Variants in ALG6 observed in about 807,000 individuals in gnomAD.
The protein encoded by ALG6 is ALG6 alpha-1,3-glucosyltransferase.
Under a neutral mutation model 66.6 loss-of-function variants are expected in ALG6, and 46 were observed. The ratio of observed to expected loss-of-function variants is 0.69; its 90% CI spans 0.55 to 0.88. ALG6 has a LOEUF of 0.88. Ranked by LOEUF, ALG6 falls within the 40% of genes least tolerant of loss-of-function variation. ALG6 has a pLI of 0.00. For synonymous variants in ALG6, 185 were observed against 203.7 expected, an observed-to-expected ratio of 0.91 and a Z score of 0.78; for missense variants, 505 against 586.8, an observed-to-expected ratio of 0.86 and a Z score of 1.44.
At chr1:63,422,194 T>A (rs1644579817) in intron 12 of ALG6, among the ~76,000 whole-genome samples, 1 of 126,992 alleles carries the variant, frequency 7.9e-6, no homozygotes, top group Non-Finnish European at 1.6e-5. Context: ...TATAAATATA[T>A]ATCTATATGA....
chr1:63,405,242 C>T (rs12088574), intron 5 of ALG6, among the ~76,000 whole-genome samples: 34,117 of 151,988 alleles, frequency 0.22, 4,671 homozygotes, highest in African/African-American at 0.38. Context: ...CACCACTGCC[C>T]TTCCCTCTCC....
In ALG6 at chr1:63,397,003, A is replaced by G. The variant is rs1470622385; in HGVS notation, c.167+406A>G. ...AGCTTTGGCAGTAGCTGATGGCTGA[A>G]TTTGCAGATCTGAAAAGGGGACCAA... On this transcript the variant is annotated intron_variant, in intron 3 of 14. Coordinates refer to ENST00000263440, the MANE Select transcript of ALG6 (RefSeq NM_013339.4). Among the ~76,000 whole-genome samples, 3 of 152,134 alleles carry G rather than the reference A, an allele frequency of 2.0e-5. No homozygotes were observed. In the East Asian group the frequency reaches 5.8e-4, roughly 29 times the overall value.
chr1:63,383,457 C>T (rs1648401466), intron 2 of ALG6, among the ~76,000 whole-genome samples: 1 of 151,824 alleles, frequency 6.6e-6, no homozygotes, highest in South Asian at 2.1e-4. Flanking sequence ...ACTATGTCAC[C>T]CAGGCTGGAG....
intron 9 of ALG6, 124 bp from the exon 10 acceptor site, chr1:63,413,933 TTTAG>T: frequency 1.5e-6 from 1 of 676,876 alleles, no homozygotes; most frequent in East Asian, 2.9e-5. Context: ...ATTTAATCTA[TTTAG>T]TTATAATTGT....
In ALG6 at chr1:63,402,237, C is replaced by T. The variant is rs536808870; in HGVS notation, c.168-17C>T. 6.7e-7 allele frequency: 1 copy of T among 1,485,134 alleles called. No individual in the cohort carries two copies. Among genetic ancestry groups the T allele is most frequent in the Non-Finnish European group, 9.4e-7 (1 of 1,063,576 alleles). 92.0% of individuals were successfully genotyped at this position (1,485,134 alleles called of 1,614,324 possible). A position where few individuals can be genotyped will look rare whatever the true frequency, so the allele number is the denominator to read the frequency against. On this transcript the variant is annotated splice_polypyrimidine_tract_variant and intron_variant, in intron 3 of 14. Coordinates refer to ENST00000263440, the MANE Select transcript of ALG6 (RefSeq NM_013339.4). ...TTGATTAACGGAATGGTGCTTTCTT[C>T]TTTTTTTCTTTTTCAGGTATTTTAA...
chr1:63,393,719 C>T (rs1303385705), intron 2 of ALG6, among the ~76,000 whole-genome samples: 1 of 152,170 alleles, frequency 6.6e-6, no homozygotes, highest in Non-Finnish European at 1.5e-5. Context: ...GTTAAAGCAA[C>T]CTCGGCAAAA....
Position 63,407,057 on chromosome 1 carries a change from T to C in ALG6, c.430-5T>C, listed in dbSNP as rs775144387. On this transcript the variant is annotated splice_region_variant and splice_polypyrimidine_tract_variant and intron_variant, in intron 6 of 14. Coordinates refer to ENST00000263440, the MANE Select transcript of ALG6 (RefSeq NM_013339.4). ...TTTCTTATCTCACAATATTTGTCTTTACAGATTGCTAATGCATTATGCATC... is the reference window on the plus strand; with the variant it reads ...TTTCTTATCTCACAATATTTGTCTTCACAGATTGCTAATGCATTATGCATC... The C allele has an allele frequency of 1.2e-6, 2 of 1,603,408 alleles. No individual in the cohort carries two copies. The highest frequency in any genetic ancestry group is 8.5e-7 in the Non-Finnish European group (1 of 1,170,794).
At position 63,435,820 on chromosome 1, in the gene ALG6, A is replaced by C. The variant is rs370200619; in HGVS notation, c.1327-1003A>C. ...TAGCCACATGTGGTTAGCAGCTACT[A>C]TACTGGAGTGCAGACAAAACATTTT... On this transcript the variant is annotated intron_variant, in intron 14 of 14. Coordinates refer to ENST00000263440, the MANE Select transcript of ALG6 (RefSeq NM_013339.4). Among the ~76,000 whole-genome samples the C allele has an allele frequency of 3.5e-4, 53 of 152,298 alleles. No homozygotes were observed. The East Asian group carries it at 5.8e-3, about 17-fold the overall frequency.
At chr1:63,401,749 G>C (rs541115086) in intron 3 of ALG6, among the ~76,000 whole-genome samples, 1 of 152,284 alleles carries the variant, frequency 6.6e-6, no homozygotes, top group South Asian at 2.1e-4. Context: ...GTATTCTTAT[G>C]ATTGAGAAAA....
At chr1:63,381,062 G>A (rs1648283033) in intron 2 of ALG6, among the ~76,000 whole-genome samples, 1 of 152,206 alleles carries the variant, frequency 6.6e-6, no homozygotes, top group East Asian at 1.9e-4. Flanking sequence ...GCTCACACCT[G>A]TAATCCCAGC....
intron 12 of ALG6, among the ~76,000 whole-genome samples, chr1:63,422,416 T>C (rs1461768868): frequency 1.2e-4 from 3 of 24,944 alleles, no homozygotes; most frequent in African/African-American, 4.2e-4. Flanking sequence ...TAAATATAAA[T>C]ATATATATAA....
At position 63,415,918 on chromosome 1, in the gene ALG6, A is replaced by G; in HGVS notation, c.948A>G (p.Leu316=). Residue 316 remains leucine, a synonymous_variant, in exon 11 of 15, where the codon TTA becomes TTG. Transcript: ENST00000263440. The part of the protein sequence containing the change: ...FLSLLPACIK[L]ILQPSSKGFK... Reference sequence around the variant, plus strand: ...GCCTGCTTCCTGCATGCATAAAATTAATACTTCAGCCCTCTTCCAAAGGAT... The same window carrying G: ...GCCTGCTTCCTGCATGCATAAAATTGATACTTCAGCCCTCTTCCAAAGGAT... 1 of 1,612,200 alleles carries G rather than the reference A, an allele frequency of 6.2e-7. No homozygotes were observed. Among genetic ancestry groups the G allele is most frequent in the Non-Finnish European group, 8.5e-7 (1 of 1,178,598 alleles).
chr1:63,389,105 G>T (rs1246632825), intron 2 of ALG6, among the ~76,000 whole-genome samples: 2 of 151,932 alleles, frequency 1.3e-5, no homozygotes, highest in African/African-American at 4.8e-5. Context: ...TTGAATATTG[G>T]TATCTTTCTC....
chr1:63,436,738 C>T (rs1362127857), intron 14 of ALG6, 85 bp from the exon 15 acceptor site: 21 of 1,314,426 alleles, frequency 1.6e-5, no homozygotes, highest in Non-Finnish European at 2.1e-5. Context: ...TTTAATTCTG[C>T]TCATTTAATA....
At chr1:63,381,085 C>A (rs1405534739) in intron 2 of ALG6, among the ~76,000 whole-genome samples, 2 of 152,010 alleles carry the variant, frequency 1.3e-5, no homozygotes, top group African/African-American at 4.8e-5. Flanking sequence ...TTTGAGAGGC[C>A]GAGGCAGGTG....
intron 2 of ALG6, among the ~76,000 whole-genome samples, 190 bp from the exon 3 acceptor site, chr1:63,396,323 C>A (rs1648824640): frequency 6.6e-6 from 1 of 151,982 alleles, no homozygotes; most frequent in Admixed American, 6.6e-5. Flanking sequence ...AAGTAATTTG[C>A]CCAGCGTCAC....
intron 14 of ALG6, among the ~76,000 whole-genome samples, chr1:63,434,566 A>G (rs1384985275): frequency 6.6e-6 from 1 of 152,150 alleles, no homozygotes; most frequent in Non-Finnish European, 1.5e-5. Context: ...CTTTGAATGC[A>G]GTGCAATACA....
chr1:63,401,685 A>G (rs921162730), intron 3 of ALG6, among the ~76,000 whole-genome samples: 4 of 152,020 alleles, frequency 2.6e-5, no homozygotes, highest in South Asian at 4.1e-4. Context: ...TCAAAAAGAA[A>G]TAAGCTTATG....
chr1:63,413,822 G>A (rs1035950862), intron 9 of ALG6: 4 of 422,018 alleles, frequency 9.5e-6, no homozygotes, highest in African/African-American at 8.0e-5. Context: ...AAGTATTTGG[G>A]AATGTCTGGA....
Sources: allele counts gnomAD v4.1 joint callset (sites outside exome capture counted in the v4.1 genomes callset), GRCh38; gene constraint gnomAD v4.1.1; transcripts MANE v1.5; gene names NCBI Gene and HGNC (gene_info 2026-07-23, HGNC 2026-07-21).